DDX55: variants seen among roughly 807,000 people sequenced by gnomAD.
DDX55 encodes DEAD-box helicase 55, also known as ATP-dependent RNA helicase DDX55.
In DDX55, 56 loss-of-function variants were observed where a neutral mutation model predicts 69.2. That is an observed-to-expected ratio of 0.81 (90% confidence interval 0.65 to 1.01). DDX55 has a LOEUF of 1.01. Ranked by LOEUF, DDX55 falls within the 50% of genes least tolerant of loss-of-function variation. The pLI is 0.00. For missense variants in DDX55, 720 were observed against 745.1 expected (o/e 0.97, Z 0.39); for synonymous variants, 268 against 273.1 (o/e 0.98, Z 0.18).
At chr12:123,608,529 A>C in intron 5 of DDX55, 151 bp from the exon 6 acceptor site, 1 of 893,394 alleles carries the variant, frequency 1.1e-6, no homozygotes, top group Admixed American at 2.3e-5. Context: ...CAGTCTTTCT[A>C]CCCTGCAGCA....
At chr12:123,608,869 G>T in intron 6 of DDX55, 40 bp downstream of exon 6, 1 of 1,580,828 alleles carries the variant, frequency 6.3e-7, no homozygotes, top group South Asian at 1.1e-5. Context: ...GTGGGCAGAT[G>T]ATACTAATAC....
At chr12:123,606,233 A>G in intron 3 of DDX55, 74 bp downstream of exon 3, 1 of 1,550,800 alleles carries the variant, frequency 6.4e-7, no homozygotes, top group East Asian at 2.3e-5. Flanking sequence ...GCTGGCTACA[A>G]ATGTGAAAAA....
rs1555284588 is a variant in DDX55 at position 123,620,580 on chromosome 12, T to TA, written c.*440_*441insA. ...GGTCACATATAGACATATGTACATA[T>TA]TATATATATATATATATATATATAT... is the stretch of plus-strand genomic sequence containing the variant. On this transcript the variant is annotated 3_prime_UTR_variant, in exon 14 of 14. Coordinates refer to ENST00000238146, the MANE Select transcript of DDX55 (RefSeq NM_020936.3). 4 of 65,352 alleles carry TA rather than the reference T, an allele frequency of 6.1e-5. No homozygotes were observed. The highest frequency in any genetic ancestry group is 1.4e-3 in the East Asian group (1 of 732). 4.0% of individuals were successfully genotyped at this position (65,352 alleles called of 1,614,324 possible). A position where few individuals can be genotyped will look rare whatever the true frequency, so the allele number is the denominator to read the frequency against.
At chr12:123,604,648 A>G (rs1181889689) in intron 1 of DDX55, among the ~76,000 whole-genome samples, 1 of 152,210 alleles carries the variant, frequency 6.6e-6, no homozygotes, top group African/African-American at 2.4e-5. Context: ...TGAGTATCAA[A>G]TAACACACTA....
At chr12:123,616,736 C>T in intron 10 of DDX55, 133 bp downstream of exon 10, 1 of 930,686 alleles carries the variant, frequency 1.1e-6, no homozygotes, top group Non-Finnish European at 1.7e-6. Flanking sequence ...CTTGGGTCTG[C>T]AGTGACCCCG....
intron 8 of DDX55, 145 bp downstream of exon 8, chr12:123,613,397 T>C: frequency 1.3e-6 from 1 of 796,744 alleles, no homozygotes; most frequent in Admixed American, 2.9e-5. Flanking sequence ...CAACTTTTGT[T>C]GTCCGAACAA....
At chr12:123,607,303 G>A in intron 3 of DDX55, 129 bp from the exon 4 acceptor site, 3 of 923,510 alleles carry the variant, frequency 3.2e-6, no homozygotes, top group Non-Finnish European at 5.0e-6. Flanking sequence ...CAGAGATGCT[G>A]CTGAGAAAGT....
intron 7 of DDX55, among the ~76,000 whole-genome samples, chr12:123,610,521 A>G (rs753409496): frequency 6.7e-6 from 1 of 149,548 alleles, no homozygotes; most frequent in Non-Finnish European, 1.5e-5. Flanking sequence ...TGACAGACTC[A>G]CTCCTAAGGA....
rs192322254 is a variant in DDX55 at position 123,617,074 on chromosome 12, C to T, written c.1049+471C>T. Among the ~76,000 whole-genome samples, 19 of 152,300 alleles carry T rather than the reference C, an allele frequency of 1.2e-4. 1 individual carries two copies. The highest frequency in any genetic ancestry group is 9.1e-4 in the Admixed American group (14 of 15,304). ...CTGAGGCAGGAGAATCGCTTGAGCG[C>T]AGGAGGCAGAGGTGGCAATGGATTG... On this transcript the variant is annotated intron_variant, in intron 10 of 13. Coordinates refer to ENST00000238146, the MANE Select transcript of DDX55 (RefSeq NM_020936.3).
Position 123,608,843 on chromosome 12 carries a change from G to A in DDX55, c.551+14G>A. On this transcript the variant is annotated intron_variant, in intron 6 of 13. Transcript: ENST00000238146. Reference sequence around the variant, plus strand: ...GTTTGAGGCAAGGTACTGGACTTTGGACTTCACTGGCTTGAGTGGGCAGAT... The same window carrying A: ...GTTTGAGGCAAGGTACTGGACTTTGAACTTCACTGGCTTGAGTGGGCAGAT... 1.9e-6 allele frequency: 3 copies of A among 1,608,594 alleles called. No homozygotes were observed. Among genetic ancestry groups the A allele is most frequent in the South Asian group, 2.2e-5 (2 of 90,352 alleles).
chr12:123,610,164 T>C (rs1307700044), intron 7 of DDX55, 36 bp downstream of exon 7: 16 of 1,590,680 alleles, frequency 1.0e-5, no homozygotes, highest in Non-Finnish European at 1.2e-5. Flanking sequence ...TCAGCGATAA[T>C]GACCAGTGCT....
chr12:123,613,180 C>G lies in DDX55; in HGVS notation c.752C>G (p.Ala251Gly). The G allele has an allele frequency of 1.9e-6, 3 of 1,614,070 alleles. No homozygotes were observed. In the Middle Eastern group the frequency reaches 5.0e-4, roughly 267 times the overall value. The change falls in exon 8 of 14, where the codon GCA (alanine) becomes GGA (glycine). Residue 251 changes from alanine (A) to glycine (G), a missense_variant. Ala to Gly is a moderately conservative substitution (Grantham distance 60). Coordinates refer to ENST00000238146, the MANE Select transcript of DDX55 (RefSeq NM_020936.3). Reference sequence around the variant, plus strand: ...CTTTTTATTTTGCAGGTATGCAAGGCAGATGAGAAATTTAATCAGCTGGTC... The same window carrying G: ...CTTTTTATTTTGCAGGTATGCAAGGGAGATGAGAAATTTAATCAGCTGGTC... ...RLENYYMVCK[A>G]DEKFNQLVHF...
chr12:123,616,988 C>T (rs571902247), intron 10 of DDX55: 39 of 263,312 alleles, frequency 1.5e-4, no homozygotes, highest in Non-Finnish European at 2.7e-4. Flanking sequence ...CCTGTCTCTA[C>T]AAAAAATATA....
chr12:123,610,295 T>C (rs1464890735), intron 7 of DDX55, among the ~76,000 whole-genome samples, 167 bp downstream of exon 7: 1 of 152,202 alleles, frequency 6.6e-6, no homozygotes, highest in Non-Finnish European at 1.5e-5. Context: ...ATTGAATGAA[T>C]AAGTTAAATT....
chr12:123,618,778 TTG>T lies in DDX55; in HGVS notation c.1278_1279del (p.Ser427IlefsTer9), dbSNP rs1471034208. 1 of 1,614,218 alleles carries T rather than the reference TTG, an allele frequency of 6.2e-7. No homozygotes were observed. Among genetic ancestry groups the T allele is most frequent in the East Asian group, 2.2e-5 (1 of 44,882 alleles). The stretch of plus-strand genomic sequence containing the variant: ...GTGTTTGAAAAGGGCATGAAAGCTT[TTG>T]TGTCATATGTCCAAGCTTATGCAAA... On this transcript the variant is annotated frameshift_variant, in exon 12 of 14. Coordinates refer to ENST00000238146, the MANE Select transcript of DDX55 (RefSeq NM_020936.3). LOFTEE classifies it high-confidence loss of function.
At chr12:123,608,611 AT>A (rs1476193075) in intron 5 of DDX55, 68 bp from the exon 6 acceptor site, 42 of 1,573,874 alleles carry the variant, frequency 2.7e-5, no homozygotes, top group Non-Finnish European at 3.3e-5. Context: ...AAAACTTGGT[AT>A]TTTGGTAATC....
intron 10 of DDX55, among the ~76,000 whole-genome samples, chr12:123,617,121 G>A (rs1191784862): frequency 6.6e-6 from 1 of 152,224 alleles, no homozygotes; most frequent in African/African-American, 2.4e-5. Flanking sequence ...TCCAGCCTGG[G>A]CAACAGTGTG....
At chr12:123,610,969 C>T (rs1410166558) in intron 7 of DDX55, among the ~76,000 whole-genome samples, 10 of 151,174 alleles carry the variant, frequency 6.6e-5, no homozygotes, top group East Asian at 3.9e-4. Flanking sequence ...GGCACGATCT[C>T]GGCTCACTGC....
rs1566211428 is a variant in DDX55, at chr12:123,620,614, AT to A, written c.*475del. 2.0e-3 allele frequency: 174 copies of A among 88,842 alleles called. 3 individuals are homozygous for A. Among genetic ancestry groups the A allele is most frequent in the African/African-American group, 5.6e-3 (137 of 24,254 alleles). 5.5% of individuals were successfully genotyped at this position (88,842 alleles called of 1,614,324 possible). ...TATATATATATATATATATATATATATATATATATATATAAGCTCTTTTTTC... is the reference window on the plus strand; with the variant it reads ...TATATATATATATATATATATATATAATATATATATATAAGCTCTTTTTTC... On this transcript the variant is annotated 3_prime_UTR_variant, in exon 14 of 14. Transcript: ENST00000238146.
Sources: allele counts gnomAD v4.1 joint callset (sites outside exome capture counted in the v4.1 genomes callset), GRCh38; gene constraint gnomAD v4.1.1; transcripts MANE v1.5; gene names NCBI Gene and HGNC (gene_info 2026-07-23, HGNC 2026-07-21).